The following ANKRD17 variants were observed in gnomAD, a reference collection of about 807,000 sequenced individuals.
ANKRD17 encodes the protein ankyrin repeat domain-containing protein 17.
A neutral mutation model predicts 229.7 loss-of-function variants in ANKRD17; 19 were observed. That is an observed-to-expected ratio of 0.08 (90% CI 0.06 to 0.12). The LOEUF (loss-of-function observed/expected upper bound fraction) is 0.12. Ranked by LOEUF, ANKRD17 falls within the 10% of genes least tolerant of loss-of-function variation. The probability of loss-of-function intolerance (pLI) is 1.00; values close to 1 mark genes in which losing one functional copy is unlikely to be tolerated. For missense variants in ANKRD17, 2,176 were observed against 3,176.8 expected, an observed-to-expected ratio of 0.68 and a Z score of 7.57; for synonymous variants, 1,112 against 1,146.1, an observed-to-expected ratio of 0.97 and a Z score of 0.60.
intron 1 of ANKRD17, among the ~76,000 whole-genome samples, chr4:73,230,865 T>C (rs1213187704): frequency 1.3e-5 from 2 of 152,218 alleles, no homozygotes; most frequent in East Asian, 1.9e-4. Context: ...GGTCACACCA[T>C]GAATTCATTC....
At chr4:73,200,555 G>A (rs1350714678) in intron 1 of ANKRD17, among the ~76,000 whole-genome samples, 1 of 152,036 alleles carries the variant, frequency 6.6e-6, no homozygotes, top group Non-Finnish European at 1.5e-5. Context: ...AATACCAGGT[G>A]AAGGTTAAAC....
At chr4:73,149,328 T>G (rs1291781272) in intron 7 of ANKRD17, among the ~76,000 whole-genome samples, 3 of 151,756 alleles carry the variant, frequency 2.0e-5, no homozygotes, top group African/African-American at 4.8e-5. Flanking sequence ...ACAGTAAGTA[T>G]GTGAAATAAG....
In ANKRD17 at chr4:73,121,774, G is replaced by A. The variant is rs1560549545; in HGVS notation, c.3493-15C>T. The A allele has an allele frequency of 1.3e-6, 2 of 1,568,572 alleles. No homozygotes were observed. The highest frequency in any genetic ancestry group is 2.1e-5 in the Admixed American group (1 of 47,348). On this transcript the variant is annotated splice_polypyrimidine_tract_variant and intron_variant, in intron 18 of 33. Coordinates refer to ENST00000358602, the MANE Select transcript of ANKRD17 (RefSeq NM_032217.5). ...AGCTCCACCACCTGAAAATAAAATA[G>A]AAAAAAATATGTTTTCTTATGGAGA...
chr4:73,145,325 T>C (rs1730126269), intron 10 of ANKRD17, among the ~76,000 whole-genome samples: 1 of 152,114 alleles, frequency 6.6e-6, no homozygotes, highest in African/African-American at 2.4e-5. Flanking sequence ...CTTCCTATTA[T>C]CTCTAGTTTC....
At chr4:73,145,019 A>G (rs1237182167) in intron 10 of ANKRD17, among the ~76,000 whole-genome samples, 187 bp from the exon 11 acceptor site, 1 of 152,196 alleles carries the variant, frequency 6.6e-6, no homozygotes, top group Non-Finnish European at 1.5e-5. Context: ...AACATGTTCT[A>G]TGGAAATAAT....
chr4:73,240,353 T>C (rs1441848286), intron 1 of ANKRD17, among the ~76,000 whole-genome samples: 1 of 151,300 alleles, frequency 6.6e-6, no homozygotes, highest in Non-Finnish European at 1.5e-5. Context: ...GCTGGGCACA[T>C]GGGCTCATGC....
At chr4:73,116,384 C>A (rs971585722) in intron 22 of ANKRD17, among the ~76,000 whole-genome samples, 2 of 152,094 alleles carry the variant, frequency 1.3e-5, no homozygotes, top group Non-Finnish European at 2.9e-5. Flanking sequence ...AGAATATATA[C>A]TTTCATGAAG....
At chr4:73,207,702 G>T (rs1174865402) in intron 1 of ANKRD17, among the ~76,000 whole-genome samples, 1 of 152,078 alleles carries the variant, frequency 6.6e-6, no homozygotes, top group Non-Finnish European at 1.5e-5. Flanking sequence ...AACAATAAAA[G>T]GATTAATTCA....
At chr4:73,186,367 C>T (rs1018323787) in intron 1 of ANKRD17, among the ~76,000 whole-genome samples, 12 of 152,002 alleles carry the variant, frequency 7.9e-5, no homozygotes, top group Admixed American at 6.5e-4. Flanking sequence ...TAAAATCTTT[C>T]TTGTAAAAAG....
intron 18 of ANKRD17, among the ~76,000 whole-genome samples, chr4:73,121,985 A>G (rs576666379): frequency 2.0e-5 from 3 of 152,270 alleles, no homozygotes; most frequent in African/African-American, 7.2e-5. Context: ...AAAATGCTAC[A>G]ATGTGTTCAT....
chr4:73,113,487 C>G (rs1357145863), intron 24 of ANKRD17, among the ~76,000 whole-genome samples: 1 of 152,110 alleles, frequency 6.6e-6, no homozygotes, highest in Admixed American at 6.5e-5. Flanking sequence ...CAAAAAACAA[C>G]AGATGTGGTT....
intron 15 of ANKRD17, among the ~76,000 whole-genome samples, chr4:73,139,304 T>A (rs1729315161): frequency 6.6e-6 from 1 of 152,202 alleles, no homozygotes; most frequent in Non-Finnish European, 1.5e-5. Context: ...ATTCTCAAGC[T>A]ACCAAGCTAA....
intron 22 of ANKRD17, 144 bp downstream of exon 22, chr4:73,118,544 G>A: frequency 1.1e-6 from 1 of 884,428 alleles, no homozygotes; most frequent in Admixed American, 2.5e-5. Flanking sequence ...TACATTTAAT[G>A]TTGCCATAAG....
At chr4:73,184,547 A>AG (rs1560677595) in intron 1 of ANKRD17, among the ~76,000 whole-genome samples, 1 of 150,480 alleles carries the variant, frequency 6.6e-6, no homozygotes, top group Non-Finnish European at 1.5e-5. Flanking sequence ...AAAAAAAAAA[A>AG]AAAAAAGAAA....
At chr4:73,250,571 G>A (rs1381522434) in intron 1 of ANKRD17, among the ~76,000 whole-genome samples, 1 of 89,054 alleles carries the variant, frequency 1.1e-5, no homozygotes, top group Non-Finnish European at 1.9e-5. Flanking sequence ...CTGCACTCCA[G>A]CATAGATGAC....
intron 1 of ANKRD17, among the ~76,000 whole-genome samples, chr4:73,249,098 T>C (rs1232165237): frequency 1.3e-5 from 2 of 152,264 alleles, no homozygotes; most frequent in South Asian, 2.1e-4. Context: ...TATGGTAACA[T>C]ATATTTATTC....
intron 29 of ANKRD17, among the ~76,000 whole-genome samples, chr4:73,089,901 TA>T (rs1180302700): frequency 2.6e-5 from 4 of 152,152 alleles, no homozygotes; most frequent in Admixed American, 2.6e-4. Flanking sequence ...TTTTTATTTT[TA>T]AAATTTTCAT....
intron 27 of ANKRD17, among the ~76,000 whole-genome samples, chr4:73,096,837 T>C (rs1017393772): frequency 2.0e-5 from 3 of 152,230 alleles, no homozygotes; most frequent in Non-Finnish European, 4.4e-5. Context: ...GCTTTTATAA[T>C]ACTTCTTTGT....
Position 73,113,828 on chromosome 4 carries a change from G to A in ANKRD17, c.4365C>T (p.Asn1455=). The A allele has an allele frequency of 6.2e-7, 1 of 1,613,660 alleles. No individual in the cohort carries two copies. Among genetic ancestry groups the A allele is most frequent in the Non-Finnish European group, 8.5e-7 (1 of 1,179,786 alleles). The change falls in exon 24 of 34, where the codon AAC becomes AAT. Residue 1455 remains asparagine (N), a synonymous_variant. Coordinates refer to ENST00000358602, the MANE Select transcript of ANKRD17 (RefSeq NM_032217.5). ...CTAACTCCTCTAACAAAATGCTGGC[G>A]TTTTTGTTTGCTTCAGCAGCCTGTC... ...KDRQAAEANK[N]ASILLEELDL...
Sources: allele counts gnomAD v4.1 joint callset (sites outside exome capture counted in the v4.1 genomes callset), GRCh38; gene constraint gnomAD v4.1.1; transcripts MANE v1.5; gene names NCBI Gene and HGNC (gene_info 2026-07-23, HGNC 2026-07-21).